Variants in SLC2A9 observed in about 807,000 individuals in gnomAD.
The protein encoded by SLC2A9 is solute carrier family 2 member 9.
A neutral mutation model predicts 50.6 loss-of-function variants in SLC2A9; 39 were observed. That is an observed-to-expected ratio of 0.77 (90% CI 0.60 to 1.01). The LOEUF (loss-of-function observed/expected upper bound fraction) is 1.01. Among genes scored for constraint, SLC2A9 ranks in the 50% least tolerant of loss-of-function variants. The pLI is 0.00. For synonymous variants in SLC2A9, 324 were observed against 276.9 expected, an observed-to-expected ratio of 1.17 and a Z score of -1.69; for missense variants, 686 against 677.6, an observed-to-expected ratio of 1.01 and a Z score of -0.14.
intron 3 of SLC2A9, among the ~76,000 whole-genome samples, chr4:9,819,326 A>C (rs939131): frequency 0.93 from 142,076 of 152,234 alleles, 66,584 homozygotes; most frequent in Non-Finnish European, 0.96. Context: ...CACTGCTCCA[A>C]ATTCTTGCCA....
chr4:9,903,684 GAA>G (rs1016379155), intron 8 of SLC2A9, among the ~76,000 whole-genome samples: 1 of 151,876 alleles, frequency 6.6e-6, no homozygotes, highest in African/African-American at 2.4e-5. Context: ...AAAAAAATTG[GAA>G]AGTCTTTTTG....
chr4:9,942,739 C>G (rs921525667), intron 5 of SLC2A9, among the ~76,000 whole-genome samples: 16 of 152,206 alleles, frequency 1.1e-4, no homozygotes, highest in African/African-American at 3.6e-4. Context: ...CCAGAGCACA[C>G]GTTACGATGC....
intron 3 of SLC2A9, among the ~76,000 whole-genome samples, chr4:9,994,696 C>T (rs910292328): frequency 4.0e-5 from 6 of 151,766 alleles, no homozygotes; most frequent in African/African-American, 1.5e-4. Context: ...ACCTGATACA[C>T]AGCAGAGTCA....
intron 3 of SLC2A9, among the ~76,000 whole-genome samples, chr4:9,813,992 G>T (rs1436581562): frequency 6.6e-6 from 1 of 151,970 alleles, no homozygotes; most frequent in Non-Finnish European, 1.5e-5. Flanking sequence ...ATATAAAAAA[G>T]ATCCAGGCGT....
At chr4:9,772,329 T>A (rs2062858105) in intron 1 of SLC2A9, among the ~76,000 whole-genome samples, 1 of 152,226 alleles carries the variant, frequency 6.6e-6, no homozygotes, top group South Asian at 2.1e-4. Flanking sequence ...TATTGTGGAT[T>A]GTCAAGATGT....
chr4:10,015,842 G>A (rs1345603121), intron 2 of SLC2A9, among the ~76,000 whole-genome samples: 2 of 152,334 alleles, frequency 1.3e-5, no homozygotes, highest in Middle Eastern at 3.4e-3. Context: ...AGACACTGAC[G>A]TCTCTGTATT....
chr4:9,944,861 T>C (rs1300474178), intron 5 of SLC2A9, among the ~76,000 whole-genome samples: 1 of 152,140 alleles, frequency 6.6e-6, no homozygotes, highest in Non-Finnish European at 1.5e-5. Context: ...TGTGACTGGG[T>C]GTGTGGGTAG....
chr4:9,939,673 T>C (rs961809562), intron 6 of SLC2A9, among the ~76,000 whole-genome samples: 1 of 152,116 alleles, frequency 6.6e-6, no homozygotes, highest in African/African-American at 2.4e-5. Context: ...AATGAGCTAA[T>C]GTATGTGAAG....
At chr4:9,787,599 T>G (rs1430260380) in intron 3 of SLC2A9, among the ~76,000 whole-genome samples, 1 of 152,236 alleles carries the variant, frequency 6.6e-6, no homozygotes, top group African/African-American at 2.4e-5. Context: ...TTATTCAGAC[T>G]TCATGATAAT....
chr4:9,833,992 T>A (rs1726620885), intron 11 of SLC2A9, among the ~76,000 whole-genome samples: 1 of 152,192 alleles, frequency 6.6e-6, no homozygotes, highest in Non-Finnish European at 1.5e-5. Context: ...AACCCTCTTA[T>A]CTGATCCTCT....
upstream of SLC2A9, chr4:10,026,151 GC>G: frequency 3.2e-6 from 2 of 621,898 alleles, no homozygotes. Flanking sequence ...CAGCATCCTC[GC>G]TTGGGCATCT....
chr4:9,972,849 G>A (rs1578141861), intron 5 of SLC2A9, among the ~76,000 whole-genome samples: 1 of 152,236 alleles, frequency 6.6e-6, no homozygotes, highest in African/African-American at 2.4e-5. Flanking sequence ...AAGTTAGAAA[G>A]ATCTCATATT....
chr4:9,783,210 T>C (rs765872646), intron 3 of SLC2A9: 11 of 1,613,988 alleles, frequency 6.8e-6, no homozygotes, highest in Non-Finnish European at 9.3e-6. Flanking sequence ...AATGAGCTCA[T>C]CTCCTACAAC....
At chr4:9,944,168 G>C (rs4697700) in intron 5 of SLC2A9, among the ~76,000 whole-genome samples, 45,034 of 152,042 alleles carry the variant, frequency 0.3, 7,501 homozygotes, top group African/African-American at 0.43. Context: ...AACTGTAGTG[G>C]AAACAGAAGG....
At chr4:9,972,223 C>T (rs1372889383) in intron 5 of SLC2A9, among the ~76,000 whole-genome samples, 1 of 152,124 alleles carries the variant, frequency 6.6e-6, no homozygotes, top group East Asian at 1.9e-4. Context: ...GTTAATCATT[C>T]TTATCTGACA....
chr4:9,937,933 T>C (rs1009292793), intron 6 of SLC2A9, among the ~76,000 whole-genome samples: 1 of 152,246 alleles, frequency 6.6e-6, no homozygotes, highest in Non-Finnish European at 1.5e-5. Context: ...GGCCTCCGTT[T>C]GTGCCTGCAT....
At chr4:9,977,540 TCTCCCCCTCCCC>T (rs534156150) in intron 5 of SLC2A9, among the ~76,000 whole-genome samples, 6 of 133,742 alleles carry the variant, frequency 4.5e-5, no homozygotes, top group South Asian at 2.6e-4. Context: ...TCCCTCTCCC[TCTCCCCCTCCCC>T]CTCCCCCTCC....
At chr4:9,840,735 TG>T (rs1411134518) in intron 10 of SLC2A9, among the ~76,000 whole-genome samples, 1 of 152,078 alleles carries the variant, frequency 6.6e-6, no homozygotes, top group Non-Finnish European at 1.5e-5. Context: ...TTAACTATGA[TG>T]TTTTTGGTTG....
intron 8 of SLC2A9, among the ~76,000 whole-genome samples, chr4:9,901,635 GATTTGCAAACCAT>G (rs896913769): frequency 3.3e-5 from 5 of 152,214 alleles, no homozygotes; most frequent in African/African-American, 1.2e-4. Flanking sequence ...TGGGAGAAAA[GATTTGCAAACCAT>G]ATTTGAATCC....
Sources: gnomAD v4.1 joint callset for allele counts (sites outside exome capture counted in the v4.1 genomes callset) on GRCh38, gnomAD v4.1.1 for gene constraint, MANE v1.5 for transcripts, NCBI Gene and HGNC (gene_info 2026-07-23, HGNC 2026-07-21) for gene names.